Variants in FSCN1 observed in about 807,000 individuals in gnomAD.
FSCN1 encodes the protein fascin.
In FSCN1, 10 loss-of-function variants were observed where a neutral mutation model predicts 39.7. The observed-to-expected ratio is 0.25, with a 90% confidence interval of 0.16 to 0.43. FSCN1 has a LOEUF of 0.43. FSCN1 is among the 20% of genes least tolerant of loss of function. The pLI is 1.00. For missense variants in FSCN1, 525 were observed against 723.8 expected (o/e 0.73, Z 3.15); for synonymous variants, 322 against 320.0 (o/e 1.01, Z -0.07).
At position 5,605,259 on chromosome 7, in the gene FSCN1, G is replaced by A. The variant is rs769076801; in HGVS notation, c.1280-13G>A. On this transcript the variant is annotated splice_polypyrimidine_tract_variant and intron_variant, in intron 4 of 4. Coordinates refer to ENST00000382361, the MANE Select transcript of FSCN1 (RefSeq NM_003088.4). The surrounding 1 kb of genome is among the most constrained non-coding windows in gnomAD (Gnocchi z 6.9). ...CAGGCTTTGGGCCCCACTTGATAAAGTCCCCTCCCCAGACTCCACAGGCAA... is the reference window on the plus strand; with the variant it reads ...CAGGCTTTGGGCCCCACTTGATAAAATCCCCTCCCCAGACTCCACAGGCAA... 2.5e-6 allele frequency: 4 copies of A among 1,606,858 alleles called. No homozygotes were observed. Among genetic ancestry groups the A allele is most frequent in the Non-Finnish European group, 1.7e-6 (2 of 1,174,098 alleles).
chr7:5,593,868 T>A, intron 1 of FSCN1, 100 bp downstream of exon 1: 4 of 855,152 alleles, frequency 4.7e-6, no homozygotes, highest in Non-Finnish European at 7.0e-6. Context: ...GCGGCGCCGC[T>A]GCGGTCCGGA....
At position 5,603,908 on chromosome 7, in the gene FSCN1, T is replaced by C. The variant is rs1315639594; in HGVS notation, c.1157T>C (p.Ile386Thr). The change falls in exon 4 of 5, where the codon ATC (isoleucine) becomes ACC (threonine). Residue 386 changes from isoleucine (I) to threonine (T), a missense_variant. Ile to Thr is a moderately conservative substitution (Grantham distance 89). Coordinates refer to ENST00000382361, the MANE Select transcript of FSCN1 (RefSeq NM_003088.4). This position sits in a 1 kb window ranked among gnomAD's most constrained non-coding sequence, Gnocchi z 8.5. ...FLMKLINRPI[I>T]VFRGEHGFIG... is the part of the protein sequence containing the mutation. ...ATGAAGCTCATCAACCGCCCCATCATCGTGTTCCGCGGGGAGCATGGCTTC... is the reference window on the plus strand; with the variant it reads ...ATGAAGCTCATCAACCGCCCCATCACCGTGTTCCGCGGGGAGCATGGCTTC... The C allele has an allele frequency of 6.2e-7, 1 of 1,614,032 alleles. No individual in the cohort carries two copies. Among genetic ancestry groups the C allele is most frequent in the Non-Finnish European group, 8.5e-7 (1 of 1,180,006 alleles).
intron 4 of FSCN1, among the ~76,000 whole-genome samples, chr7:5,604,509 C>T (rs1392380173): frequency 9.1e-6 from 1 of 109,900 alleles, no homozygotes; most frequent in Non-Finnish European, 2.0e-5. Flanking sequence ...CACTCCCTCA[C>T]CCTGGCTGGA....
intron 1 of FSCN1, among the ~76,000 whole-genome samples, chr7:5,600,905 C>T (rs533569489): frequency 4.5e-5 from 6 of 134,614 alleles, no homozygotes; most frequent in South Asian, 2.4e-4. Flanking sequence ...CCGCCTGCCT[C>T]GGCCTCCCAA....
chr7:5,605,528 C>A lies in FSCN1; in HGVS notation c.*54C>A, dbSNP rs546182272. 4.1e-5 allele frequency: 53 copies of A among 1,289,218 alleles called. No homozygotes were observed. The East Asian group carries it at 1.3e-3, about 33-fold the overall frequency. The allele number at this position is 1,289,218 out of a possible 1,614,324, so 79.9% of individuals were successfully genotyped here. On this transcript the variant is annotated 3_prime_UTR_variant, in exon 5 of 5. Transcript: ENST00000382361. The surrounding 1 kb of genome is among the most constrained non-coding windows in gnomAD (Gnocchi z 6.9). Reference sequence around the variant, plus strand: ...CACATGGCGGCTCCTGCCAACCCTCCCTGCTAACCCCTTCTCCGCCAGGTG... The same window carrying A: ...CACATGGCGGCTCCTGCCAACCCTCACTGCTAACCCCTTCTCCGCCAGGTG...
intron 1 of FSCN1, among the ~76,000 whole-genome samples, chr7:5,597,788 A>T (rs926276652): frequency 6.6e-6 from 1 of 151,662 alleles, no homozygotes; most frequent in African/African-American, 2.4e-5. Context: ...GGCTGGAAAC[A>T]GGGAAGGCCA....
intron 4 of FSCN1, among the ~76,000 whole-genome samples, chr7:5,604,899 AGTG>A (rs1331282912): frequency 6.6e-6 from 1 of 152,048 alleles, no homozygotes; most frequent in Non-Finnish European, 1.5e-5. Context: ...AGCCTCCCAC[AGTG>A]CTGGGTTTAT....
At position 5,593,438 on chromosome 7, in the gene FSCN1, G is replaced by C. The variant is rs1354873637; in HGVS notation, c.502G>C (p.Asp168His). 2 of 1,612,020 alleles carry C rather than the reference G, an allele frequency of 1.2e-6. No individual in the cohort carries two copies. Among genetic ancestry groups the C allele is most frequent in the East Asian group, 2.2e-5 (1 of 44,868 alleles). ...GGCCGACGAGATCGCCGTGGACCGC[G>C]ACGTGCCCTGGGGCGTCGACTCGCT... is the stretch of plus-strand genomic sequence containing the variant. Reference protein sequence around the residue: ...RPADEIAVDRDVPWGVDSLIT... With the variant: ...RPADEIAVDRHVPWGVDSLIT... Residue 168 changes from aspartate (D) to histidine (H), a missense_variant, in exon 1 of 5, where the codon GAC becomes CAC. Coordinates refer to ENST00000382361, the MANE Select transcript of FSCN1 (RefSeq NM_003088.4).
intron 1 of FSCN1, among the ~76,000 whole-genome samples, chr7:5,601,849 G>GAA (rs35797165): frequency 0.14 from 21,993 of 151,974 alleles, 1,589 homozygotes; most frequent in South Asian, 0.17. Flanking sequence ...CAAAAAGAAA[G>GAA]AGATGTATTT....
In FSCN1 at chr7:5,595,706, G is replaced by C. The variant is rs184572318; in HGVS notation, c.832+1938G>C. On this transcript the variant is annotated intron_variant, in intron 1 of 4. Coordinates refer to ENST00000382361, the MANE Select transcript of FSCN1 (RefSeq NM_003088.4). ...TACAGAGAAAGCCCAGTGTGGCTGG[G>C]AGGAAGCTTGTGAGGTCTGGGCCAC... 2.0e-3 allele frequency among the ~76,000 whole-genome samples: 304 copies of C among 152,324 alleles called. 3 individuals carry two copies. Among genetic ancestry groups the C allele is most frequent in the Middle Eastern group, 6.8e-3 (2 of 294 alleles).
Position 5,592,875 on chromosome 7 carries a change from C to A in FSCN1, c.-62C>A. On this transcript the variant is annotated 5_prime_UTR_variant, in exon 1 of 5. Coordinates refer to ENST00000382361, the MANE Select transcript of FSCN1 (RefSeq NM_003088.4). The surrounding 1 kb of genome is among the most constrained non-coding windows in gnomAD (Gnocchi z 5.3). ...CAGCCGAACAAAGGAGCAGGGGCGC[C>A]GCCGCAGGGACCCGCCACCCACCTC... 9.5e-7 allele frequency: 1 copy of A among 1,050,538 alleles called. No homozygotes were observed. Among genetic ancestry groups the A allele is most frequent in the Non-Finnish European group, 1.4e-6 (1 of 740,062 alleles). 65.1% of individuals were successfully genotyped at this position (1,050,538 alleles called of 1,614,324 possible). A position where few individuals can be genotyped will look rare whatever the true frequency, so the allele number is the denominator to read the frequency against.
At chr7:5,595,220 G>A (rs1430595071) in intron 1 of FSCN1, among the ~76,000 whole-genome samples, 2 of 152,250 alleles carry the variant, frequency 1.3e-5, no homozygotes, top group Non-Finnish European at 2.9e-5. Context: ...GGCAGTGGGG[G>A]TGAGGGTGGA....
chr7:5,598,031 A>T (rs1322996223), intron 1 of FSCN1, among the ~76,000 whole-genome samples: 1 of 152,228 alleles, frequency 6.6e-6, no homozygotes, highest in African/African-American at 2.4e-5. Context: ...CCTTGGAGCC[A>T]GGAGGGGCCC....
At chr7:5,594,654 C>G (rs977487383) in intron 1 of FSCN1, 8 of 152,004 alleles carry the variant, frequency 5.3e-5, no homozygotes, top group African/African-American at 1.4e-4. Flanking sequence ...CGCCGCGGCC[C>G]GGGAACGGCG....
chr7:5,602,627 C>G lies in FSCN1; in HGVS notation c.833-630C>G, dbSNP rs79605126. Among the ~76,000 whole-genome samples the G allele has an allele frequency of 9.8e-5, 15 of 152,306 alleles. No homozygotes were observed. In the East Asian group the frequency reaches 2.9e-3, roughly 29 times the overall value. Reference sequence around the variant, plus strand: ...GTGATCAACAGTAATCAATGCTTAACATCTAATTCTGGGCCACGTTAAGAC... The same window carrying G: ...GTGATCAACAGTAATCAATGCTTAAGATCTAATTCTGGGCCACGTTAAGAC... On this transcript the variant is annotated intron_variant, in intron 1 of 4. Coordinates refer to ENST00000382361, the MANE Select transcript of FSCN1 (RefSeq NM_003088.4).
At chr7:5,594,700 TC>T (rs923117833) in intron 1 of FSCN1, 1 of 151,910 alleles carries the variant, frequency 6.6e-6, no homozygotes, top group African/African-American at 2.4e-5. Context: ...ACCCCGCCCT[TC>T]GCCCGCCGCG....
rs1001772445 is a variant in FSCN1, at chr7:5,606,317, A to C, written c.*843A>C. On this transcript the variant is annotated 3_prime_UTR_variant, in exon 5 of 5. Transcript: ENST00000382361. This position sits in a 1 kb window ranked among gnomAD's most constrained non-coding sequence, Gnocchi z 5.1. ...GTGATCTGGCGGGGGGCGTCTCAGC[A>C]CCCTCCCCAGGGGGTGCATCTCAGC... The C allele has an allele frequency of 1.6e-4, 25 of 151,600 alleles. No individual in the cohort carries two copies. The highest frequency in any genetic ancestry group is 5.1e-4 in the African/African-American group (21 of 41,264). 9.4% of individuals were successfully genotyped at this position (151,600 alleles called of 1,614,324 possible).
intron 1 of FSCN1, among the ~76,000 whole-genome samples, chr7:5,598,424 G>A (rs1785768870): frequency 6.6e-6 from 1 of 152,214 alleles, no homozygotes; most frequent in Non-Finnish European, 1.5e-5. Flanking sequence ...TCATGGAGTT[G>A]CCAGGAGGAT....
intron 1 of FSCN1, 109 bp downstream of exon 1, chr7:5,593,877 G>A (rs922111006): frequency 7.7e-6 from 6 of 782,170 alleles, no homozygotes; most frequent in Non-Finnish European, 1.2e-5. Flanking sequence ...CTGCGGTCCG[G>A]AGCACTGCCC....
Sources: gnomAD v4.1 joint callset for allele counts (sites outside exome capture counted in the v4.1 genomes callset) on GRCh38, gnomAD v4.1.1 for gene constraint, Gnocchi (gnomAD v3.1) non-coding constraint, MANE v1.5 for transcripts, NCBI Gene and HGNC (gene_info 2026-07-23, HGNC 2026-07-21) for gene names.